Variants in PET117 observed in about 807,000 individuals in gnomAD.
PET117 encodes the protein PET117 cytochrome c oxidase chaperone.
Under a neutral mutation model 9.2 loss-of-function variants are expected in PET117, and 10 were observed. The observed-to-expected ratio is 1.09, with a 90% CI of 0.67 to 1.85. The LOEUF is 1.85. Among genes scored for constraint, PET117 ranks in the 40% most tolerant of loss-of-function variants. The pLI is 0.00. For missense variants in PET117, 96 were observed against 98.2 expected (o/e 0.98, Z 0.09); for synonymous variants, 43 against 37.1 (o/e 1.16, Z -0.57).
chr20:18,140,274 CAGT>C (rs745943260), intron 1 of PET117, among the ~76,000 whole-genome samples: 1 of 151,790 alleles, frequency 6.6e-6, no homozygotes, highest in Non-Finnish European at 1.5e-5. Context: ...GTTTTTGTCT[CAGT>C]GGTGATCTTG....
Position 18,142,634 on chromosome 20 carries a change from C to G in PET117, c.*277C>G, listed in dbSNP as rs376200836. ...AGTGCTTAGGGTTGTTACTGAGAAG[C>G]ACTGCCGAGCTTGTGAGAAGGAAGG... On this transcript the variant is annotated 3_prime_UTR_variant, in exon 2 of 2. Transcript: ENST00000432901. 1.2e-6 allele frequency: 2 copies of G among 1,613,090 alleles called. No individual in the cohort carries two copies. The highest frequency in any genetic ancestry group is 1.7e-6 in the Non-Finnish European group (2 of 1,179,232).
intron 1 of PET117, among the ~76,000 whole-genome samples, chr20:18,140,824 A>AAAC (rs1327422061): frequency 6.7e-6 from 1 of 149,434 alleles, no homozygotes; most frequent in African/African-American, 2.5e-5. Context: ...TTCTCAAAAA[A>AAAC]AAAAAAAAAA....
intron 1 of PET117, among the ~76,000 whole-genome samples, chr20:18,141,541 T>C (rs926847862): frequency 1.3e-5 from 2 of 152,230 alleles, no homozygotes; most frequent in African/African-American, 4.8e-5. Context: ...AGAGTGTTAC[T>C]GTAGTAACTC....
At chr20:18,141,039 T>TTTTA (rs1568661516) in intron 1 of PET117, among the ~76,000 whole-genome samples, 10 of 24,252 alleles carry the variant, frequency 4.1e-4, no homozygotes, top group South Asian at 2.2e-3. Context: ...TTTTTTTTTT[T>TTTTA]TTTTTTTATT....
Position 18,142,391 on chromosome 20 carries a change from C to T in PET117, c.*34C>T, listed in dbSNP as rs1365685769. On this transcript the variant is annotated 3_prime_UTR_variant, in exon 2 of 2. Transcript: ENST00000432901. Reference sequence around the variant, plus strand: ...TGAAATATCTGTTGGACAGACAACACGAGTTTGTGTGTGTGTGTTGATGGA... The same window carrying T: ...TGAAATATCTGTTGGACAGACAACATGAGTTTGTGTGTGTGTGTTGATGGA... The T allele has an allele frequency of 7.2e-6, 11 of 1,524,906 alleles. No homozygotes were observed. The highest frequency in any genetic ancestry group is 9.7e-6 in the Non-Finnish European group (11 of 1,138,934). The allele number at this position is 1,524,906 out of a possible 1,614,324, so 94.5% of individuals were successfully genotyped here. A position where few individuals can be genotyped will look rare whatever the true frequency, so the allele number is the denominator to read the frequency against.
In PET117 at chr20:18,142,756, G is replaced by A. The variant is rs2037635315; in HGVS notation, c.*399G>A. ...CAGAAGGACTGGAGGAAGGTGAAGT[G>A]GAGGGAGAGACGCTCCTGATCGTCG... On this transcript the variant is annotated 3_prime_UTR_variant, in exon 2 of 2. Coordinates refer to ENST00000432901, the MANE Select transcript of PET117 (RefSeq NM_001164811.2). 1 of 1,614,232 alleles carries A rather than the reference G, an allele frequency of 6.2e-7. No homozygotes were observed. The highest frequency in any genetic ancestry group is 2.2e-5 in the East Asian group (1 of 44,884).
intron 1 of PET117, chr20:18,138,597 G>C (rs8122151): frequency 0.033 from 11,249 of 343,544 alleles, 441 homozygotes; most frequent in African/African-American, 0.12. Flanking sequence ...CCATGCCTTT[G>C]ACCAAGATAA....
chr20:18,142,165 A>G (rs2037611521), intron 1 of PET117, 43 bp from the exon 2 acceptor site: 1 of 1,520,186 alleles, frequency 6.6e-7, no homozygotes. Context: ...GATGGGGACC[A>G]CCTGTTCGGG....
intron 1 of PET117, among the ~76,000 whole-genome samples, chr20:18,141,047 A>ATTTTTTTTTTTTTTTAT (rs59461611): frequency 1.1e-5 from 1 of 92,842 alleles, no homozygotes; most frequent in Non-Finnish European, 1.9e-5. Context: ...TTTTTTTTTT[A>ATTTTTTTTTTTTTTTAT]TTTTTATTTT....
intron 1 of PET117, among the ~76,000 whole-genome samples, chr20:18,141,376 C>T (rs1290593364): frequency 6.6e-6 from 1 of 151,874 alleles, no homozygotes; most frequent in Non-Finnish European, 1.5e-5. Flanking sequence ...CCTTCTTTTT[C>T]TTCTTTCTCT....
intron 1 of PET117, chr20:18,138,371 C>T: frequency 9.4e-7 from 1 of 1,066,812 alleles, no homozygotes; most frequent in African/African-American, 1.7e-5. Flanking sequence ...CCCAGTGGCT[C>T]TGTTTTCAAG....
At chr20:18,140,052 A>G (rs561790864) in intron 1 of PET117, among the ~76,000 whole-genome samples, 1 of 152,254 alleles carries the variant, frequency 6.6e-6, no homozygotes, top group African/African-American at 2.4e-5. Flanking sequence ...AGACCTTGAA[A>G]CCTAGAGGAA....
chr20:18,137,867 C>G lies in PET117; in HGVS notation c.-89C>G. On this transcript the variant is annotated 5_prime_UTR_variant, in exon 1 of 2. Transcript: ENST00000432901. ...GGGCTCTGCGCTCGAGGGGTCGAGCCTGGGCAGTACAGGCGGCGGTGCGCA... is the reference window on the plus strand; with the variant it reads ...GGGCTCTGCGCTCGAGGGGTCGAGCGTGGGCAGTACAGGCGGCGGTGCGCA... The G allele has an allele frequency of 7.6e-7, 1 of 1,324,098 alleles. No individual in the cohort carries two copies. Among genetic ancestry groups the G allele is most frequent in the Non-Finnish European group, 9.8e-7 (1 of 1,020,058 alleles). The allele number at this position is 1,324,098 out of a possible 1,614,324, so 82.0% of individuals were successfully genotyped here.
chr20:18,141,343 A>AT (rs1406014800), intron 1 of PET117, among the ~76,000 whole-genome samples: 4 of 151,806 alleles, frequency 2.6e-5, no homozygotes, highest in South Asian at 4.2e-4. Flanking sequence ...ATGAGCATTT[A>AT]TTTTTTCCGC....
chr20:18,139,455 T>C (rs900762305), intron 1 of PET117, among the ~76,000 whole-genome samples: 3 of 152,172 alleles, frequency 2.0e-5, no homozygotes, highest in African/African-American at 7.2e-5. Flanking sequence ...GTTTTTACAA[T>C]GTGACTAAGG....
chr20:18,142,699 G>C lies in PET117; in HGVS notation c.*342G>C. 1 of 1,614,194 alleles carries C rather than the reference G, an allele frequency of 6.2e-7. No homozygotes were observed. The highest frequency in any genetic ancestry group is 8.5e-7 in the Non-Finnish European group (1 of 1,180,046). ...TCCACCTGAGTAGTCTGATCAGTCG[G>C]CATGATGACGAAGCCACGAGAACAT... is the stretch of plus-strand genomic sequence containing the variant. On this transcript the variant is annotated 3_prime_UTR_variant, in exon 2 of 2. Coordinates refer to ENST00000432901, the MANE Select transcript of PET117 (RefSeq NM_001164811.2).
At chr20:18,138,928 G>T (rs1002973740) in intron 1 of PET117, among the ~76,000 whole-genome samples, 5 of 152,196 alleles carry the variant, frequency 3.3e-5, no homozygotes, top group Admixed American at 2.6e-4. Context: ...AGGGTCATTG[G>T]TGAATTTTCA....
In PET117 at chr20:18,142,786, C is replaced by T. The variant is rs745766214; in HGVS notation, c.*429C>T. ...GAGAGACGCTCCTGATCGTCGAATC[C>T]GAGGATCAGGCATCAGTGGACTTAT... On this transcript the variant is annotated 3_prime_UTR_variant, in exon 2 of 2. Transcript: ENST00000432901. The T allele has an allele frequency of 1.1e-5, 18 of 1,613,964 alleles. No homozygotes were observed. The East Asian group carries it at 1.3e-4, about 12-fold the overall frequency.
In PET117 at chr20:18,142,808, T is replaced by C; in HGVS notation, c.*451T>C. The stretch of plus-strand genomic sequence containing the variant: ...ATCCGAGGATCAGGCATCAGTGGAC[T>C]TATCGCACGACCAGAGTGGGGATTC... On this transcript the variant is annotated 3_prime_UTR_variant, in exon 2 of 2. Transcript: ENST00000432901. 6.2e-7 allele frequency: 1 copy of C among 1,614,158 alleles called. No homozygotes were observed. Among genetic ancestry groups the C allele is most frequent in the Non-Finnish European group, 8.5e-7 (1 of 1,180,028 alleles).
Sources: gnomAD v4.1 joint callset for allele counts (sites outside exome capture counted in the v4.1 genomes callset) on GRCh38, gnomAD v4.1.1 for gene constraint, MANE v1.5 for transcripts, NCBI Gene and HGNC (gene_info 2026-07-23, HGNC 2026-07-21) for gene names.